SNRPD3: variants seen among roughly 807,000 people sequenced by gnomAD.
The protein encoded by SNRPD3 is small nuclear ribonucleoprotein D3 polypeptide.
For synonymous variants in SNRPD3, 66 were observed against 58.4 expected (o/e 1.13, Z -0.59); for missense variants, 73 against 167.5 (o/e 0.44, Z 3.11).
intron 2 of SNRPD3, among the ~76,000 whole-genome samples, chr22:24,560,508 G>C (rs1189884186): frequency 8.0e-6 from 1 of 124,920 alleles, no homozygotes; most frequent in Non-Finnish European, 1.6e-5. Flanking sequence ...GCAGTGGCAT[G>C]ATCTCAGCTC....
intron 3 of SNRPD3, among the ~76,000 whole-genome samples, chr22:24,568,596 C>T (rs1245929700): frequency 2.6e-5 from 4 of 151,294 alleles, no homozygotes; most frequent in Admixed American, 6.6e-5. Context: ...CTCGCTCTGT[C>T]GCCCAGGCTG....
In SNRPD3 at chr22:24,573,641, G is replaced by A. The variant is rs1186503331; in HGVS notation, c.*1664G>A. Among the ~76,000 whole-genome samples the A allele has an allele frequency of 1.3e-5, 2 of 152,202 alleles. No individual in the cohort carries two copies. The highest frequency in any genetic ancestry group is 2.9e-5 in the Non-Finnish European group (2 of 68,032). On this transcript the variant is annotated 3_prime_UTR_variant, in exon 4 of 4. Coordinates refer to ENST00000215829, the MANE Select transcript of SNRPD3 (RefSeq NM_004175.5). ...TATAATGCCAGCACTTTGGGAGGTC[G>A]AGGCGGGAGGATCACTTGAACCTAG...
upstream of SNRPD3, chr22:24,555,754 G>C: frequency 6.4e-7 from 1 of 1,550,606 alleles, no homozygotes; most frequent in Non-Finnish European, 8.7e-7. Flanking sequence ...TGGGGTGCTT[G>C]GAAGTGTGAG....
chr22:24,566,083 G>T (rs1362277110), intron 2 of SNRPD3, among the ~76,000 whole-genome samples: 3 of 152,226 alleles, frequency 2.0e-5, no homozygotes, highest in African/African-American at 7.2e-5. Context: ...GGAAGAAAAG[G>T]ATTGGTAAGG....
intron 2 of SNRPD3, among the ~76,000 whole-genome samples, chr22:24,559,635 G>C (rs2045113809): frequency 6.6e-6 from 1 of 152,068 alleles, no homozygotes; most frequent in South Asian, 2.1e-4. Flanking sequence ...TGCCCCCTAG[G>C]GTGACTTGGG....
chr22:24,555,833 C>G (rs1216144522), upstream of SNRPD3: 5 of 1,544,058 alleles, frequency 3.2e-6, no homozygotes, highest in East Asian at 7.3e-5. Flanking sequence ...CATCAGCCCT[C>G]TTTTCCGGTG....
rs1022206663 is a variant in SNRPD3, at chr22:24,568,527, TTTTTATTTTTA to T, written c.319+363_319+373del. ...AGCTAATTTTTTTATTTTTAATTTA[TTTTTATTTTTA>T]TTTTATTTTTAATTTTTTTTAATTT... is the stretch of plus-strand genomic sequence containing the variant. On this transcript the variant is annotated intron_variant, in intron 3 of 3. Coordinates refer to ENST00000215829, the MANE Select transcript of SNRPD3 (RefSeq NM_004175.5). 3.3e-5 allele frequency among the ~76,000 whole-genome samples: 5 copies of T among 151,250 alleles called. No homozygotes were observed. The East Asian group carries it at 7.7e-4, about 23-fold the overall frequency.
In SNRPD3 at chr22:24,568,065, T is replaced by G. The variant is rs748515130; in HGVS notation, c.208T>G (p.Phe70Val). The part of the protein sequence containing the change: ...QVYIRGSKIR[F>V]LILPDMLKNA... ...ATACATCCGTGGCAGCAAAATCCGCTTTCTGATTTTGCCTGACATGCTGAA... is the reference window on the plus strand; with the variant it reads ...ATACATCCGTGGCAGCAAAATCCGCGTTCTGATTTTGCCTGACATGCTGAA... Residue 70 changes from phenylalanine (F) to valine (V), a missense_variant, in exon 3 of 4, where the codon TTT becomes GTT. Phe to Val is a conservative substitution (Grantham distance 50). Coordinates refer to ENST00000215829, the MANE Select transcript of SNRPD3 (RefSeq NM_004175.5). 2 of 1,613,736 alleles carry G rather than the reference T, an allele frequency of 1.2e-6. No homozygotes were observed. The highest frequency in any genetic ancestry group is 2.2e-5 in the East Asian group (1 of 44,876).
intron 2 of SNRPD3, among the ~76,000 whole-genome samples, chr22:24,560,451 TTTTTTTTTTTTTTTTG>T (rs1283126889): frequency 8.8e-5 from 6 of 68,434 alleles, no homozygotes; most frequent in East Asian, 3.0e-4. Flanking sequence ...TTTTTTTTTT[TTTTTTTTTTTTTTTTG>T]AGAGTCTCAC....
At chr22:24,562,843 A>G (rs1384698197) in intron 2 of SNRPD3, among the ~76,000 whole-genome samples, 1 of 152,236 alleles carries the variant, frequency 6.6e-6, no homozygotes, top group Non-Finnish European at 1.5e-5. Context: ...CTCTCTGTAC[A>G]TTGAATAAAG....
At chr22:24,564,883 C>CTTTTTTTTTTTT (rs371010665) in intron 2 of SNRPD3, among the ~76,000 whole-genome samples, 1 of 127,166 alleles carries the variant, frequency 7.9e-6, no homozygotes. Flanking sequence ...TTGCCTTGTT[C>CTTTTTTTTTTTT]ATTTTTTTTT....
At position 24,559,537 on chromosome 22, in the gene SNRPD3, A is replaced by T. The variant is rs62231173; in HGVS notation, c.126+1737A>T. Among the ~76,000 whole-genome samples the T allele has an allele frequency of 7.6e-3, 1,150 of 152,264 alleles. 7 individuals carry two copies. The highest frequency in any genetic ancestry group is 0.018 in the South Asian group (87 of 4,820). ...GTAACGTGAAGGTGTCTAACCAGAT[A>T]ACCTTGGTAGCCATTCAGAGATGCA... On this transcript the variant is annotated intron_variant, in intron 2 of 3. Transcript: ENST00000215829.
intron 3 of SNRPD3, among the ~76,000 whole-genome samples, chr22:24,571,017 C>T (rs911539402): frequency 1.3e-5 from 2 of 151,960 alleles, no homozygotes; most frequent in Non-Finnish European, 2.9e-5. Flanking sequence ...AGGGGTTTTG[C>T]CATGTTGGCC....
chr22:24,567,646 T>C (rs1407499475), intron 2 of SNRPD3, among the ~76,000 whole-genome samples: 2 of 152,066 alleles, frequency 1.3e-5, no homozygotes, highest in South Asian at 2.1e-4. Context: ...CTCAGGAGGC[T>C]GAGGCAGGAG....
chr22:24,573,683 T>G lies in SNRPD3; in HGVS notation c.*1706T>G, dbSNP rs1018253392. On this transcript the variant is annotated 3_prime_UTR_variant, in exon 4 of 4. Transcript: ENST00000215829. ...TGAACCTAGGAGTTTGAGACTAGCC[T>G]GGGCTGTTAAGCTTTGTTAACCAAG... Among the ~76,000 whole-genome samples, 2 of 152,222 alleles carry G rather than the reference T, an allele frequency of 1.3e-5. No individual in the cohort carries two copies. The highest frequency in any genetic ancestry group is 4.8e-5 in the African/African-American group (2 of 41,452).
chr22:24,565,950 A>G (rs2045193564), intron 2 of SNRPD3, among the ~76,000 whole-genome samples: 2 of 152,096 alleles, frequency 1.3e-5, no homozygotes, highest in Non-Finnish European at 1.5e-5. Flanking sequence ...CCCAGCCCCA[A>G]AACACATTTT....
intron 3 of SNRPD3, among the ~76,000 whole-genome samples, chr22:24,571,112 C>T (rs1326643559): frequency 6.6e-6 from 1 of 152,122 alleles, no homozygotes; most frequent in Non-Finnish European, 1.5e-5. Flanking sequence ...AGCCACTGCA[C>T]CCAGCCTGAA....
intron 2 of SNRPD3, among the ~76,000 whole-genome samples, chr22:24,567,376 C>T (rs1016754004): frequency 6.6e-6 from 1 of 152,214 alleles, no homozygotes; most frequent in African/African-American, 2.4e-5. Flanking sequence ...GCTAGGCCAG[C>T]TGGTTCGAAT....
rs1180838104 is a variant in SNRPD3 at position 24,573,214 on chromosome 22, T to C, written c.*1237T>C. Among the ~76,000 whole-genome samples the C allele has an allele frequency of 6.6e-6, 1 of 151,400 alleles. No individual in the cohort carries two copies. Among genetic ancestry groups the C allele is most frequent in the Non-Finnish European group, 1.5e-5 (1 of 67,832 alleles). The stretch of plus-strand genomic sequence containing the variant: ...GCAAGACTTTGTCTTTAAAGAAAAA[T>C]AAGTAGTAGTAAAGAGTATAAGATA... On this transcript the variant is annotated 3_prime_UTR_variant, in exon 4 of 4. Transcript: ENST00000215829.
Sources: allele counts gnomAD v4.1 joint callset (sites outside exome capture counted in the v4.1 genomes callset), GRCh38; gene constraint gnomAD v4.1.1; transcripts MANE v1.5; gene names NCBI Gene and HGNC (gene_info 2026-07-23, HGNC 2026-07-21).